CLCN3: variants seen among roughly 807,000 people sequenced by gnomAD.
CLCN3 encodes the protein H(+)/Cl(-) exchange transporter 3.
Under a neutral mutation model 83.4 loss-of-function variants are expected in CLCN3, and 16 were observed. That is an observed-to-expected ratio of 0.19 (90% CI 0.13 to 0.29). The LOEUF (loss-of-function observed/expected upper bound fraction) is 0.29. CLCN3 is among the 10% of genes least tolerant of loss of function. CLCN3 has a pLI of 1.00. For missense variants in CLCN3, 544 were observed against 1,006.0 expected, an observed-to-expected ratio of 0.54 and a Z score of 6.21; for synonymous variants, 322 against 346.2, an observed-to-expected ratio of 0.93 and a Z score of 0.78.
In CLCN3 at chr4:169,691,012, T is replaced by TG. The variant is rs376057866; in HGVS notation, c.729+360_729+361insG. Among the ~76,000 whole-genome samples, 1,202 of 152,246 alleles carry TG rather than the reference T, an allele frequency of 7.9e-3. 19 individuals are homozygous for TG. The highest frequency in any genetic ancestry group is 0.027 in the African/African-American group (1,126 of 41,528). ...TGCTGTTATGACCCTGAATTTTTTT[T>TG]TTTTGAGACTGAGTCTTGTGCTGTC... On this transcript the variant is annotated intron_variant, in intron 6 of 12. Coordinates refer to ENST00000513761, the MANE Select transcript of CLCN3 (RefSeq NM_001829.4).
rs1553965338 is a variant in CLCN3 at position 169,636,737 on chromosome 4, T to TG, written c.160+649_160+650insG. Among the ~76,000 whole-genome samples the TG allele has an allele frequency of 8.3e-3, 1,163 of 140,260 alleles. 29 individuals are homozygous for TG. The highest frequency in any genetic ancestry group is 0.028 in the African/African-American group (1,101 of 39,216). The allele number at this position is 140,260 out of a possible 152,430, so 92.0% of individuals were successfully genotyped here. A position where few individuals can be genotyped will look rare whatever the true frequency, so the allele number is the denominator to read the frequency against. On this transcript the variant is annotated intron_variant, in intron 2 of 12. Coordinates refer to ENST00000513761, the MANE Select transcript of CLCN3 (RefSeq NM_001829.4). ...CTACACTGATATTTCATTATTTGGT[T>TG]TTTTTTTTTTTTTTCATATTTTGGC...
chr4:169,628,352 G>A (rs1294762879), intron 1 of CLCN3, among the ~76,000 whole-genome samples: 1 of 152,094 alleles, frequency 6.6e-6, no homozygotes, highest in African/African-American at 2.4e-5. Flanking sequence ...TATAGACCCT[G>A]TTAAAAAGAT....
rs1442913992 is a variant in CLCN3, at chr4:169,692,296, C to T, written c.912C>T (p.Ser304=). The change falls in exon 7 of 13, where the codon AGC becomes AGT. Residue 304 remains serine (S), a synonymous_variant. Coordinates refer to ENST00000513761, the MANE Select transcript of CLCN3 (RefSeq NM_001829.4). ...TTTCCTACCTCTTTCCAAAGTATAG[C>T]ACAAACGAAGCTAAAAAAAGGGAGG... ...NIFSYLFPKY[S]TNEAKKREVL... is the part of the protein sequence containing the mutation. 5.0e-6 allele frequency: 8 copies of T among 1,608,256 alleles called. No homozygotes were observed. The highest frequency in any genetic ancestry group is 1.7e-5 in the Admixed American group (1 of 59,936).
At chr4:169,645,847 G>A (rs142209283) in intron 2 of CLCN3, among the ~76,000 whole-genome samples, 15 of 152,234 alleles carry the variant, frequency 9.9e-5, no homozygotes, top group African/African-American at 3.6e-4. Flanking sequence ...AGTAAACTGG[G>A]TGTTGCTTCT....
At chr4:169,627,646 T>C (rs2150196834) in intron 1 of CLCN3, among the ~76,000 whole-genome samples, 1 of 152,266 alleles carries the variant, frequency 6.6e-6, no homozygotes, top group South Asian at 2.1e-4. Context: ...TAAACTGAGA[T>C]AGGAAAAGTA....
At chr4:169,719,876 T>G in intron 12 of CLCN3, 31 bp from the exon 13 acceptor site, 1 of 1,560,496 alleles carries the variant, frequency 6.4e-7, no homozygotes, top group South Asian at 1.2e-5. Flanking sequence ...TCCCTTTTAT[T>G]TCATAGGAGT....
chr4:169,669,126 G>A (rs1182253089), intron 2 of CLCN3, among the ~76,000 whole-genome samples: 1 of 152,152 alleles, frequency 6.6e-6, no homozygotes, highest in African/African-American at 2.4e-5. Flanking sequence ...CTAATGTGAC[G>A]ATAATAAATG....
chr4:169,627,910 G>A (rs1283741109), intron 1 of CLCN3, among the ~76,000 whole-genome samples: 1 of 152,162 alleles, frequency 6.6e-6, no homozygotes, highest in Non-Finnish European at 1.5e-5. Flanking sequence ...TTATTATGTA[G>A]TTACAGTAAT....
chr4:169,714,301 CAT>C (rs1487822659), intron 12 of CLCN3, among the ~76,000 whole-genome samples: 2 of 149,472 alleles, frequency 1.3e-5, no homozygotes, highest in African/African-American at 4.9e-5. Context: ...TTTTTTTTAA[CAT>C]GTTGTAGAAA....
intron 2 of CLCN3, among the ~76,000 whole-genome samples, 157 bp from the exon 3 acceptor site, chr4:169,679,893 C>G (rs115783050): frequency 2.5e-5 from 3 of 121,378 alleles, no homozygotes; most frequent in African/African-American, 8.3e-5. Flanking sequence ...GAGTCGGAGA[C>G]GAGGGAGAGG....
At chr4:169,650,181 A>G (rs1297373146) in intron 2 of CLCN3, among the ~76,000 whole-genome samples, 1 of 152,218 alleles carries the variant, frequency 6.6e-6, no homozygotes. Context: ...ACTAAGAATA[A>G]TGAAGCTCTT....
At chr4:169,697,124 T>C (rs973675015) in intron 8 of CLCN3, 65 bp from the exon 9 acceptor site, 77 of 1,190,128 alleles carry the variant, frequency 6.5e-5, no homozygotes, top group Non-Finnish European at 8.7e-5. Context: ...ATTCAAGTTA[T>C]AATATATCAG....
chr4:169,697,028 A>T (rs1732590745), intron 8 of CLCN3, among the ~76,000 whole-genome samples, 161 bp from the exon 9 acceptor site: 1 of 152,154 alleles, frequency 6.6e-6, no homozygotes, highest in Admixed American at 6.5e-5. Flanking sequence ...TCCAAAAATA[A>T]TAATAACATC....
chr4:169,630,515 C>A (rs1000054081), intron 1 of CLCN3, among the ~76,000 whole-genome samples: 1 of 151,980 alleles, frequency 6.6e-6, no homozygotes, highest in Non-Finnish European at 1.5e-5. Context: ...ACCATATTTT[C>A]TTTTCTTTCC....
Position 169,707,087 on chromosome 4 carries a change from T to C in CLCN3, c.1970T>C (p.Val657Ala). Residue 657 changes from valine (V) to alanine (A), a missense_variant, in exon 11 of 13, where the codon GTT becomes GCT. By Grantham distance (64) the Val-to-Ala change is moderately conservative. Coordinates refer to ENST00000513761, the MANE Select transcript of CLCN3 (RefSeq NM_001829.4). Reference sequence around the variant, plus strand: ...ACTCATACCACCCTGGCTGCTGACGTTATGAGACCTCGAAGGAATGATCCT... The same window carrying C: ...ACTCATACCACCCTGGCTGCTGACGCTATGAGACCTCGAAGGAATGATCCT... ...EFTHTTLAAD[V>A]MRPRRNDPPL... 6.2e-7 allele frequency: 1 copy of C among 1,614,104 alleles called. No individual in the cohort carries two copies. The highest frequency in any genetic ancestry group is 1.1e-5 in the South Asian group (1 of 91,076).
chr4:169,700,642 T>C (rs762867350), intron 9 of CLCN3, among the ~76,000 whole-genome samples: 60 of 152,300 alleles, frequency 3.9e-4, no homozygotes, highest in Non-Finnish European at 7.8e-4. Flanking sequence ...AATCAATAAA[T>C]ATTTTTCTCT....
intron 9 of CLCN3, among the ~76,000 whole-genome samples, chr4:169,700,107 G>T (rs544949936): frequency 1.3e-5 from 2 of 152,204 alleles, no homozygotes; most frequent in African/African-American, 2.4e-5. Context: ...CTGGCTGAAG[G>T]ATCATACCTG....
At chr4:169,633,954 GT>G (rs34108402) in intron 1 of CLCN3, among the ~76,000 whole-genome samples, 144,162 of 149,030 alleles carry the variant, frequency 0.97, 69,860 homozygotes, top group South Asian at 1. Context: ...ACGTGGAATA[GT>G]TTTTTTTTTT....
chr4:169,671,425 C>T (rs1731452506), intron 2 of CLCN3, among the ~76,000 whole-genome samples: 1 of 151,980 alleles, frequency 6.6e-6, no homozygotes, highest in Non-Finnish European at 1.5e-5. Context: ...GGGAGGGGAA[C>T]ATCACACACC....
Sources: allele counts gnomAD v4.1 joint callset (sites outside exome capture counted in the v4.1 genomes callset), GRCh38; gene constraint gnomAD v4.1.1; transcripts MANE v1.5; gene names NCBI Gene and HGNC (gene_info 2026-07-23, HGNC 2026-07-21).